AFG2A: variants seen among roughly 807,000 people sequenced by gnomAD.
AFG2A encodes the protein ATPase family gene 2 protein homolog A.
At chr4:123,115,727 G>T in the AFG2A span, among the ~76,000 whole-genome samples, 261 of 152,168 alleles carry the variant, frequency 1.7e-3, no homozygotes, top group Middle Eastern at 3.4e-3. Flanking sequence ...CCACACCCGT[G>T]CCCCACCACA....
chr4:123,021,294 A>C, the AFG2A span, among the ~76,000 whole-genome samples: 1 of 150,080 alleles, frequency 6.7e-6, no homozygotes, highest in Admixed American at 6.6e-5. Context: ...TCCCTTTTTA[A>C]GATTTTTATT....
At chr4:123,301,742 T>C in the AFG2A span, among the ~76,000 whole-genome samples, 1 of 152,204 alleles carries the variant, frequency 6.6e-6, no homozygotes, top group African/African-American at 2.4e-5. Context: ...TCCCCCTGTT[T>C]AACACAGATA....
the AFG2A span, among the ~76,000 whole-genome samples, chr4:123,217,866 T>C: frequency 6.6e-6 from 1 of 152,200 alleles, no homozygotes; most frequent in Non-Finnish European, 1.5e-5. Flanking sequence ...TTTAATTTAT[T>C]CACTGAGAAG....
chr4:123,041,100 A>AT, the AFG2A span, among the ~76,000 whole-genome samples: 2 of 150,682 alleles, frequency 1.3e-5, no homozygotes, highest in Non-Finnish European at 3.0e-5. Flanking sequence ...CTTTTTTATA[A>AT]TTTTTTATTT....
At chr4:123,028,624 T>G in the AFG2A span, among the ~76,000 whole-genome samples, 1 of 152,216 alleles carries the variant, frequency 6.6e-6, no homozygotes, top group Non-Finnish European at 1.5e-5. Flanking sequence ...TTTATTTAGT[T>G]TCTTGATTCT....
At chr4:123,123,884 G>A in the AFG2A span, among the ~76,000 whole-genome samples, 12 of 147,126 alleles carry the variant, frequency 8.2e-5, no homozygotes, top group South Asian at 4.5e-4. Flanking sequence ...CCCGGGAGGC[G>A]GAGCTTGCAG....
chr4:122,969,368 C>T, the AFG2A span, among the ~76,000 whole-genome samples: 1 of 151,950 alleles, frequency 6.6e-6, no homozygotes, highest in East Asian at 1.9e-4. Flanking sequence ...TTCTGTGTTA[C>T]CTTTGTTGTA....
chr4:123,232,966 A>C, the AFG2A span, among the ~76,000 whole-genome samples: 1 of 152,122 alleles, frequency 6.6e-6, no homozygotes, highest in African/African-American at 2.4e-5. Context: ...CAACAACAAC[A>C]AAGCAAAAGA....
the AFG2A span, among the ~76,000 whole-genome samples, chr4:123,124,850 C>T: frequency 2.0e-5 from 3 of 152,058 alleles, no homozygotes; most frequent in East Asian, 3.8e-4. Context: ...AATCTAACTT[C>T]GAGTATTATA....
chr4:122,966,782 C>T, the AFG2A span, among the ~76,000 whole-genome samples: 3 of 152,192 alleles, frequency 2.0e-5, no homozygotes, highest in Non-Finnish European at 4.4e-5. Context: ...AATAACTACG[C>T]GTTATGATGT....
the AFG2A span, among the ~76,000 whole-genome samples, chr4:123,011,466 G>C: frequency 6.6e-6 from 1 of 152,140 alleles, no homozygotes; most frequent in Non-Finnish European, 1.5e-5. Flanking sequence ...TTACATATTG[G>C]TTTCACTCGC....
the AFG2A span, among the ~76,000 whole-genome samples, chr4:123,121,951 T>A: frequency 6.6e-6 from 1 of 152,180 alleles, no homozygotes; most frequent in South Asian, 2.1e-4. Flanking sequence ...AGATTTGACT[T>A]TTTATTTTAA....
chr4:122,995,992 A>G, the AFG2A span, among the ~76,000 whole-genome samples: 1 of 152,184 alleles, frequency 6.6e-6, no homozygotes, highest in Non-Finnish European at 1.5e-5. Flanking sequence ...CTCGCCCTTT[A>G]GTTCATTGGT....
chr4:123,192,995 G>T, the AFG2A span, among the ~76,000 whole-genome samples: 1 of 152,144 alleles, frequency 6.6e-6, no homozygotes, highest in Non-Finnish European at 1.5e-5. Flanking sequence ...GTTATCTCTT[G>T]TTTATTTATT....
chr4:123,164,426 C>T, the AFG2A span, among the ~76,000 whole-genome samples: 1 of 152,110 alleles, frequency 6.6e-6, no homozygotes, highest in East Asian at 1.9e-4. Context: ...TGCAGTGACA[C>T]GATCTCGGCT....
the AFG2A span, among the ~76,000 whole-genome samples, chr4:123,278,376 A>G: frequency 1.8e-4 from 27 of 151,976 alleles, no homozygotes; most frequent in East Asian, 4.6e-3. Flanking sequence ...CTAGCAGTCT[A>G]TCTGTCTTAA....
chr4:122,935,260 G>A, the AFG2A span, among the ~76,000 whole-genome samples: 1 of 151,962 alleles, frequency 6.6e-6, no homozygotes, highest in South Asian at 2.1e-4. Flanking sequence ...ATACATGTAT[G>A]TATATATATG....
chr4:123,126,227 TCTC>T, the AFG2A span, among the ~76,000 whole-genome samples: 7 of 152,328 alleles, frequency 4.6e-5, no homozygotes, highest in African/African-American at 1.4e-4. Context: ...GCTTATTTTG[TCTC>T]CTCCTCTTTC....
At chr4:123,126,271 A>G in the AFG2A span, among the ~76,000 whole-genome samples, 1 of 152,008 alleles carries the variant, frequency 6.6e-6, no homozygotes, top group African/African-American at 2.4e-5. Context: ...CTTTTCCTTG[A>G]CTGCCTGTCT....
Sources: gnomAD v4.1 joint callset for allele counts (sites outside exome capture counted in the v4.1 genomes callset) on GRCh38, gnomAD v4.1.1 for gene constraint, MANE v1.5 for transcripts, NCBI Gene and HGNC (gene_info 2026-07-23, HGNC 2026-07-21) for gene names.